Variants in ENPP2 observed in about 807,000 individuals in gnomAD.
ENPP2 encodes ectonucleotide pyrophosphatase/phosphodiesterase 2.
In ENPP2, 51 loss-of-function variants were observed where a neutral mutation model predicts 120.2. The ratio of observed to expected loss-of-function variants is 0.42; its 90% CI spans 0.34 to 0.54. The LOEUF (loss-of-function observed/expected upper bound fraction) is 0.54, where lower values mean the gene tolerates loss of function less well. Among genes scored for constraint, ENPP2 ranks in the 20% least tolerant of loss-of-function variants. The pLI is 0.04. For missense variants in ENPP2, 920 were observed against 1,066.5 expected, an observed-to-expected ratio of 0.86 and a Z score of 1.91; for synonymous variants, 365 against 366.4, an observed-to-expected ratio of 1.00 and a Z score of 0.04.
chr8:119,612,654 C>T (rs903630306), intron 8 of ENPP2, among the ~76,000 whole-genome samples: 4 of 152,196 alleles, frequency 2.6e-5, no homozygotes, highest in African/African-American at 9.6e-5. Context: ...CTTTGAGAGG[C>T]TGAGGCAGGC....
chr8:119,636,158 G>C (rs975311708), intron 2 of ENPP2, among the ~76,000 whole-genome samples: 2 of 152,158 alleles, frequency 1.3e-5, no homozygotes, highest in African/African-American at 2.4e-5. Context: ...ATTCTTACAG[G>C]CTTATAAAAT....
At position 119,569,132 on chromosome 8, in the gene ENPP2, C is replaced by T. The variant is rs1428231739; in HGVS notation, c.2053+103G>A. ...AAATTCATTTAGATAATCTTCTGAG[C>T]ACCCTCTCTTGAAGAAAACCCAAGC... On this transcript the variant is annotated intron_variant, in intron 21 of 24. Coordinates refer to ENST00000075322, the MANE Select transcript of ENPP2 (RefSeq NM_001040092.3). 1.4e-5 allele frequency: 15 copies of T among 1,095,296 alleles called. No individual in the cohort carries two copies. In the Admixed American group the frequency reaches 2.9e-4, roughly 21 times the overall value. 67.8% of individuals were successfully genotyped at this position (1,095,296 alleles called of 1,614,324 possible). A position where few individuals can be genotyped will look rare whatever the true frequency, so the allele number is the denominator to read the frequency against.
intron 15 of ENPP2, among the ~76,000 whole-genome samples, chr8:119,584,276 C>T (rs904207896): frequency 3.9e-5 from 6 of 152,126 alleles, no homozygotes; most frequent in Non-Finnish European, 5.9e-5. Flanking sequence ...ACTGAAGTCA[C>T]GATGCCCTCC....
rs1813843673 is a variant in ENPP2 at position 119,595,801 on chromosome 8, C to T, written c.973-1941G>A. ...CCAAGGCACTGAAGGCAACCTTCAA[C>T]TCAGACCTGCCCGCCACAAAGCTTT... On this transcript the variant is annotated intron_variant, in intron 11 of 24. Coordinates refer to ENST00000075322, the MANE Select transcript of ENPP2 (RefSeq NM_001040092.3). 2.5e-6 allele frequency: 4 copies of T among 1,604,792 alleles called. No homozygotes were observed. In the South Asian group the frequency reaches 3.3e-5, roughly 13 times the overall value.
At chr8:119,564,642 C>T (rs951273965) in intron 23 of ENPP2, among the ~76,000 whole-genome samples, 181 bp downstream of exon 23, 18 of 151,920 alleles carry the variant, frequency 1.2e-4, no homozygotes, top group African/African-American at 3.9e-4. Flanking sequence ...CACATCACTG[C>T]AGTCCAGCCT....
rs765942255 is a variant in ENPP2, at chr8:119,621,443, G to C, written c.369C>G (p.Asp123Glu). ...NEENACHCSEDCLARGDCCTN... is the reference protein window; with the variant it reads ...NEENACHCSEECLARGDCCTN... Reference sequence around the variant, plus strand: ...TACAGCAGTCTCCCCTGGCCAAGCAGTCCTCTGAGCAGTGACAGGCATTTT... The same window carrying C: ...TACAGCAGTCTCCCCTGGCCAAGCACTCCTCTGAGCAGTGACAGGCATTTT... Residue 123 changes from aspartate to glutamate, a missense_variant, in exon 4 of 25, where the codon GAC (aspartate) becomes GAG (glutamate). By Grantham distance (45) the Asp-to-Glu change is conservative. Coordinates refer to ENST00000075322, the MANE Select transcript of ENPP2 (RefSeq NM_001040092.3). 1 of 1,613,518 alleles carries C rather than the reference G, an allele frequency of 6.2e-7. No individual in the cohort carries two copies. Among genetic ancestry groups the C allele is most frequent in the Admixed American group, 1.7e-5 (1 of 60,008 alleles).
chr8:119,586,521 A>G (rs1056769467), intron 14 of ENPP2, among the ~76,000 whole-genome samples: 1 of 152,236 alleles, frequency 6.6e-6, no homozygotes, highest in African/African-American at 2.4e-5. Context: ...ATGACAGGCT[A>G]TCTGAGGACA....
At chr8:119,569,392 T>G in intron 20 of ENPP2, 22 bp from the exon 21 acceptor site, 1 of 1,613,046 alleles carries the variant, frequency 6.2e-7, no homozygotes, top group Non-Finnish European at 8.5e-7. Flanking sequence ...TCAGAGGCAC[T>G]CAGCAATGCC....
chr8:119,647,402 A>G (rs1817502233), intron 1 of ENPP2, among the ~76,000 whole-genome samples: 1 of 152,164 alleles, frequency 6.6e-6, no homozygotes. Flanking sequence ...GGAATATAAT[A>G]GGAACACAAT....
chr8:119,649,601 G>A (rs528111601), intron 1 of ENPP2, among the ~76,000 whole-genome samples: 1 of 152,228 alleles, frequency 6.6e-6, no homozygotes, highest in East Asian at 1.9e-4. Flanking sequence ...TGTCAATATG[G>A]CAAGAAAGTG....
chr8:119,585,808 A>G (rs1813067273), intron 15 of ENPP2, among the ~76,000 whole-genome samples: 1 of 152,202 alleles, frequency 6.6e-6, no homozygotes, highest in African/African-American at 2.4e-5. Context: ...TGCTACAAGC[A>G]AAGTCTCAAC....
At chr8:119,666,777 TAA>T (rs11326011) in intron 1 of ENPP2, among the ~76,000 whole-genome samples, 162 of 136,614 alleles carry the variant, frequency 1.2e-3, no homozygotes, top group African/African-American at 1.7e-3. Flanking sequence ...CAAAACTGTC[TAA>T]AAAAAAAAAA....
rs149627180 is a variant in ENPP2, at chr8:119,581,471, A to G, written c.1728+947T>C. Among the ~76,000 whole-genome samples, 798 of 152,128 alleles carry G rather than the reference A, an allele frequency of 5.2e-3. 8 individuals carry two copies. The highest frequency in any genetic ancestry group is 0.016 in the African/African-American group (680 of 41,520). On this transcript the variant is annotated intron_variant, in intron 18 of 24. Coordinates refer to ENST00000075322, the MANE Select transcript of ENPP2 (RefSeq NM_001040092.3). ...AGGGGAAACATGTGAAAGGAAGTAC[A>G]GGGGAGGAAGATGACGGTAGCACTC...
intron 1 of ENPP2, among the ~76,000 whole-genome samples, chr8:119,668,819 T>C (rs1017900353): frequency 3.3e-5 from 5 of 152,314 alleles, no homozygotes; most frequent in African/African-American, 1.2e-4. Flanking sequence ...ACCTTAACTA[T>C]ATAAAGCTGC....
chr8:119,633,017 T>A (rs1369846588), intron 2 of ENPP2, among the ~76,000 whole-genome samples: 1 of 152,212 alleles, frequency 6.6e-6, no homozygotes, highest in East Asian at 1.9e-4. Flanking sequence ...ATCATGCCAT[T>A]GCACTCCAGC....
intron 11 of ENPP2, chr8:119,595,741 G>T: frequency 9.4e-7 from 1 of 1,062,800 alleles, no homozygotes. Context: ...CAATGCACCA[G>T]AGTTTTTCTA....
intron 12 of ENPP2, chr8:119,593,082 A>AC: frequency 8.9e-6 from 2 of 225,564 alleles, no homozygotes; most frequent in Non-Finnish European, 1.5e-5. Flanking sequence ...CTGAGCCCCC[A>AC]CCCCCTGCAC....
At chr8:119,599,420 G>T (rs905588740) in intron 11 of ENPP2, among the ~76,000 whole-genome samples, 7 of 152,082 alleles carry the variant, frequency 4.6e-5, no homozygotes, top group African/African-American at 7.2e-5. Context: ...CTTAAACCAA[G>T]TATGTTTAAC....
At chr8:119,570,962 C>G (rs577956866) in intron 19 of ENPP2, 121 bp from the exon 20 acceptor site, 7 of 519,196 alleles carry the variant, frequency 1.3e-5, no homozygotes, top group African/African-American at 1.0e-4. Context: ...TAATATAGCA[C>G]CTTCTCCTTA....
Sources: gnomAD v4.1 joint callset for allele counts (sites outside exome capture counted in the v4.1 genomes callset) on GRCh38, gnomAD v4.1.1 for gene constraint, MANE v1.5 for transcripts, NCBI Gene and HGNC (gene_info 2026-07-23, HGNC 2026-07-21) for gene names.